AGO2: variants seen among roughly 807,000 people sequenced by gnomAD.
AGO2 encodes protein argonaute-2.
A neutral mutation model predicts 102.3 loss-of-function variants in AGO2; 5 were observed. The ratio of observed to expected loss-of-function variants is 0.05; its 90% confidence interval spans 0.03 to 0.10. AGO2 has a LOEUF of 0.10. AGO2 is among the 10% of genes least tolerant of loss of function. AGO2 has a pLI of 1.00. For missense variants in AGO2, 541 were observed against 1,183.7 expected (o/e 0.46, Z 7.97); for synonymous variants, 449 against 473.1 (o/e 0.95, Z 0.66).
At chr8:140,535,016 C>T (rs1049444778) in intron 17 of AGO2, among the ~76,000 whole-genome samples, 1 of 152,234 alleles carries the variant, frequency 6.6e-6, no homozygotes, top group African/African-American at 2.4e-5. Flanking sequence ...GAGCCTGGCC[C>T]TGGCCAGTGA....
At position 140,556,173 on chromosome 8, in the gene AGO2, G is replaced by T. The variant is rs760660977; in HGVS notation, c.1140C>A (p.Ser380Arg). The change falls in exon 9 of 19, where the codon AGC becomes AGA. Residue 380 changes from serine (S) to arginine (R), a missense_variant. Coordinates refer to ENST00000220592, the MANE Select transcript of AGO2 (RefSeq NM_012154.5). ...GCCCGGGACTGACACTCACCAATTT[G>T]CTAATCTCTTCTTGCCGATCGGGCG... ...RSAPDRQEEI[S>R]KLMRSASFNT... The T allele has an allele frequency of 2.5e-6, 4 of 1,614,200 alleles. No individual in the cohort carries two copies. The highest frequency in any genetic ancestry group is 2.5e-6 in the Non-Finnish European group (3 of 1,180,038).
At position 140,558,603 on chromosome 8, in the gene AGO2, G is replaced by A. The variant is rs187007975; in HGVS notation, c.791-31C>T. The A allele has an allele frequency of 9.0e-5, 145 of 1,609,128 alleles. 2 individuals carry two copies. In the Admixed American group the frequency reaches 2.0e-3, roughly 22 times the overall value. On this transcript the variant is annotated intron_variant, in intron 6 of 18. Transcript: ENST00000220592. ...GACACAGAACACAGGCATCGGCATC[G>A]GGGCTGTCCCGACCTGAGTGCAGGC...
chr8:140,577,748 C>T (rs962650686), intron 2 of AGO2, among the ~76,000 whole-genome samples: 6 of 152,108 alleles, frequency 3.9e-5, no homozygotes, highest in Non-Finnish European at 8.8e-5. Context: ...GGCAGGCAAC[C>T]ACACACACCC....
At position 140,521,844 on chromosome 8, in the gene AGO2, G is replaced by C. The variant is rs2072420933; in HGVS notation, c.*10200C>G. 6.6e-6 allele frequency: 1 copy of C among 152,238 alleles called. No individual in the cohort carries two copies. The highest frequency in any genetic ancestry group is 1.5e-5 in the Non-Finnish European group (1 of 68,034). The allele number at this position is 152,238 out of a possible 1,614,324, so 9.4% of individuals were successfully genotyped here. Reference sequence around the variant, plus strand: ...TCTTAGAAAATGTGCCAGAGGAAGAGGGGGCATGAATGGCTAGAAAAGCAA... The same window carrying C: ...TCTTAGAAAATGTGCCAGAGGAAGACGGGGCATGAATGGCTAGAAAAGCAA... On this transcript the variant is annotated 3_prime_UTR_variant, in exon 19 of 19. Coordinates refer to ENST00000220592, the MANE Select transcript of AGO2 (RefSeq NM_012154.5).
At chr8:140,572,733 A>G (rs933886926) in intron 3 of AGO2, 79 bp downstream of exon 3, 11 of 1,540,040 alleles carry the variant, frequency 7.1e-6, no homozygotes, top group Non-Finnish European at 9.6e-6. Flanking sequence ...GTATGAGAAC[A>G]GGCATGACAG....
rs1183224520 is a variant in AGO2 at position 140,539,312 on chromosome 8, A to T, written c.2169+8T>A. 1 of 1,597,952 alleles carries T rather than the reference A, an allele frequency of 6.3e-7. No individual in the cohort carries two copies. The highest frequency in any genetic ancestry group is 2.2e-5 in the East Asian group (1 of 44,618). ...GTGCCCCCTGCCTGGAGTCATGCAG[A>T]AACTCACCCGCTCGTTCTTGTCAGT... On this transcript the variant is annotated splice_region_variant and intron_variant, in intron 16 of 18. Coordinates refer to ENST00000220592, the MANE Select transcript of AGO2 (RefSeq NM_012154.5). The surrounding 1 kb of genome is among the most constrained non-coding windows in gnomAD (Gnocchi z 4.7).
chr8:140,583,356 C>T (rs571611666), intron 2 of AGO2, among the ~76,000 whole-genome samples: 78 of 152,306 alleles, frequency 5.1e-4, no homozygotes, highest in Non-Finnish European at 9.6e-4. Context: ...TAATAAATCC[C>T]CTCTCATATC....
At chr8:140,559,598 G>A in intron 5 of AGO2, 69 bp from the exon 6 acceptor site, 2 of 1,586,718 alleles carry the variant, frequency 1.3e-6, no homozygotes, top group Non-Finnish European at 1.7e-6. Context: ...CATAGTCCTG[G>A]AGGGGCCTCA....
chr8:140,555,593 T>A (rs906403113), intron 10 of AGO2: 1 of 293,424 alleles, frequency 3.4e-6, no homozygotes, highest in Non-Finnish European at 6.3e-6. Context: ...TACAGCCTTC[T>A]GGGAAATAAT....
Position 140,635,535 on chromosome 8 carries a change from G to C in AGO2, c.-29C>G. The C allele has an allele frequency of 1.0e-6, 1 of 979,482 alleles. No individual in the cohort carries two copies. The highest frequency in any genetic ancestry group is 1.8e-5 in the African/African-American group (1 of 56,622). The allele number at this position is 979,482 out of a possible 1,614,324, so 60.7% of individuals were successfully genotyped here. A position where few individuals can be genotyped will look rare whatever the true frequency, so the allele number is the denominator to read the frequency against. ...GGCGCCGCCGAGGGGCTCCGGGGCCGAGGGGCGGCCGCGCGCGCGCCACGG... is the reference window on the plus strand; with the variant it reads ...GGCGCCGCCGAGGGGCTCCGGGGCCCAGGGGCGGCCGCGCGCGCGCCACGG... On this transcript the variant is annotated 5_prime_UTR_variant, in exon 1 of 19. Coordinates refer to ENST00000220592, the MANE Select transcript of AGO2 (RefSeq NM_012154.5).
intron 11 of AGO2, 59 bp downstream of exon 11, chr8:140,551,244 C>G: frequency 1.4e-6 from 2 of 1,428,730 alleles, no homozygotes; most frequent in East Asian, 2.5e-5. Flanking sequence ...CAAGTGGTCA[C>G]TTGAGCTGCC....
chr8:140,635,173 G>A (rs887314075), intron 1 of AGO2, among the ~76,000 whole-genome samples: 3 of 146,276 alleles, frequency 2.1e-5, no homozygotes, highest in Non-Finnish European at 4.6e-5. Context: ...CCGGGCGGGG[G>A]ATGCGAGGAC....
chr8:140,608,926 C>T (rs1554710453), intron 1 of AGO2, among the ~76,000 whole-genome samples: 1 of 152,238 alleles, frequency 6.6e-6, no homozygotes, highest in South Asian at 2.1e-4. Context: ...TGAGGTCCTG[C>T]TCCTCCCACA....
intron 2 of AGO2, among the ~76,000 whole-genome samples, chr8:140,581,619 A>G (rs561928572): frequency 6.6e-6 from 1 of 152,338 alleles, no homozygotes; most frequent in East Asian, 1.9e-4. Flanking sequence ...TCCCAGGGAA[A>G]CGCAAAAACA....
At chr8:140,611,209 A>G (rs2074073098) in intron 1 of AGO2, among the ~76,000 whole-genome samples, 2 of 152,356 alleles carry the variant, frequency 1.3e-5, no homozygotes, top group South Asian at 4.1e-4. Flanking sequence ...CAGTACCCTC[A>G]GACGCTGGAC....
chr8:140,597,466 GCCCCCCCACCCCCCC>G (rs1032061545), intron 1 of AGO2, among the ~76,000 whole-genome samples: 3 of 48,424 alleles, frequency 6.2e-5, no homozygotes, highest in African/African-American at 1.7e-4. Flanking sequence ...GGGCTGGGTG[GCCCCCCCACCCCCCC>G]CCCCCCGCCC....
chr8:140,570,042 T>C (rs563027871), intron 3 of AGO2, among the ~76,000 whole-genome samples: 8 of 152,220 alleles, frequency 5.3e-5, no homozygotes, highest in African/African-American at 1.2e-4. Flanking sequence ...TGCGAGAAGA[T>C]GGACATGGGA....
chr8:140,551,464 GA>G (rs778123200), intron 10 of AGO2, 28 bp from the exon 11 acceptor site: 33 of 1,487,578 alleles, frequency 2.2e-5, no homozygotes, highest in South Asian at 3.9e-5. Context: ...TTCAGGGTGA[GA>G]AAAAAATGGA....
intron 1 of AGO2, among the ~76,000 whole-genome samples, chr8:140,597,484 C>T (rs1248905916): frequency 6.9e-6 from 1 of 145,014 alleles, no homozygotes; most frequent in Non-Finnish European, 1.5e-5. Flanking sequence ...ACCCCCCCCC[C>T]CCCGCCCCAG....
Sources: allele counts gnomAD v4.1 joint callset (sites outside exome capture counted in the v4.1 genomes callset), GRCh38; gene constraint gnomAD v4.1.1; non-coding constraint Gnocchi (gnomAD v3.1); transcripts MANE v1.5; gene names NCBI Gene and HGNC (gene_info 2026-07-23, HGNC 2026-07-21).